The following SKI variants were observed in gnomAD, a reference collection of about 807,000 sequenced individuals.
The protein encoded by SKI is SKI proto-oncogene.
Under a neutral mutation model 59.3 loss-of-function variants are expected in SKI, and 23 were observed. The ratio of observed to expected loss-of-function variants is 0.39; its 90% CI spans 0.28 to 0.55. SKI has a LOEUF of 0.55. SKI is among the 20% of genes least tolerant of loss of function. The pLI is 0.67. For missense variants in SKI, 1,017 were observed against 1,038.9 expected (o/e 0.98, Z 0.29); for synonymous variants, 673 against 488.6 (o/e 1.38, Z -4.98).
At chr1:2,261,568 T>G (rs557434286) in intron 1 of SKI, among the ~76,000 whole-genome samples, 9 of 152,282 alleles carry the variant, frequency 5.9e-5, no homozygotes, top group Non-Finnish European at 4.4e-5. Flanking sequence ...AAACGGCCAC[T>G]ACAGTTCTTA....
At chr1:2,282,465 CTGAGAAGA>C (rs1639913181) in intron 1 of SKI, among the ~76,000 whole-genome samples, 2 of 119,064 alleles carry the variant, frequency 1.7e-5, no homozygotes, top group East Asian at 2.7e-4. Context: ...GAGAGGACGC[CTGAGAAGA>C]CAGGCGGTGG....
At chr1:2,255,166 A>G (rs1011436005) in intron 1 of SKI, among the ~76,000 whole-genome samples, 17 of 151,994 alleles carry the variant, frequency 1.1e-4, no homozygotes, top group African/African-American at 3.9e-4. Context: ...GTCCTCCCCA[A>G]CTTTCCACAG....
At position 2,229,926 on chromosome 1, in the gene SKI, C is replaced by G. The variant is rs1182226884; in HGVS notation, c.969+191C>G. On this transcript the variant is annotated intron_variant, in intron 1 of 6. Coordinates refer to ENST00000378536, the MANE Select transcript of SKI (RefSeq NM_003036.4). This position sits in a 1 kb window ranked among gnomAD's most constrained non-coding sequence, Gnocchi z 6.3. ...GGCCAGAGAGTTTGGTAGGAAGGCC[C>G]TCCTGCCCGTTCCCCAGGACGAGCC... Among the ~76,000 whole-genome samples the G allele has an allele frequency of 6.6e-6, 1 of 152,194 alleles. No individual in the cohort carries two copies. Among genetic ancestry groups the G allele is most frequent in the Admixed American group, 6.5e-5 (1 of 15,286 alleles).
intron 1 of SKI, among the ~76,000 whole-genome samples, chr1:2,276,464 C>CCCCTGGGCCA (rs1481549173): frequency 6.6e-6 from 1 of 152,226 alleles, no homozygotes; most frequent in Non-Finnish European, 1.5e-5. Context: ...GCTTCTGTGG[C>CCCCTGGGCCA]CCTGGGATTG....
Position 2,229,780 on chromosome 1 carries a change from T to TG in SKI, c.969+50dup. On this transcript the variant is annotated intron_variant, in intron 1 of 6. Transcript: ENST00000378536. The surrounding 1 kb of genome is among the most constrained non-coding windows in gnomAD (Gnocchi z 6.3). ...GGAGCTGGGGAGGATGCGCTTGGGG[T>TG]GGGGGCCCCTTCTGGACTACAGGCT... 1 of 1,549,388 alleles carries TG rather than the reference T, an allele frequency of 6.5e-7. No individual in the cohort carries two copies. Among genetic ancestry groups the TG allele is most frequent in the Non-Finnish European group, 8.7e-7 (1 of 1,146,846 alleles).
At chr1:2,231,519 C>T (rs1201243836) in intron 1 of SKI, among the ~76,000 whole-genome samples, 3 of 152,196 alleles carry the variant, frequency 2.0e-5, no homozygotes, top group African/African-American at 7.2e-5. Flanking sequence ...TGGTTGTGAG[C>T]GCCGGGGTCC....
chr1:2,305,836 G>T (rs1035283472), intron 5 of SKI, among the ~76,000 whole-genome samples, 184 bp from the exon 6 acceptor site: 3 of 152,192 alleles, frequency 2.0e-5, no homozygotes, highest in Non-Finnish European at 4.4e-5. Context: ...TCCGGATGGG[G>T]GTCTGAAAAG....
At chr1:2,250,449 C>T (rs1569721541) in intron 1 of SKI, among the ~76,000 whole-genome samples, 2 of 152,340 alleles carry the variant, frequency 1.3e-5, no homozygotes, top group East Asian at 3.9e-4. Context: ...GCTGCCTGTC[C>T]TTGGTTTGGG....
At position 2,303,591 on chromosome 1, in the gene SKI, T is replaced by C; in HGVS notation, c.1211+191T>C. 1 of 684,626 alleles carries C rather than the reference T, an allele frequency of 1.5e-6. No homozygotes were observed. Among genetic ancestry groups the C allele is most frequent in the Non-Finnish European group, 2.5e-6 (1 of 407,094 alleles). The allele number at this position is 684,626 out of a possible 1,614,324, so 42.4% of individuals were successfully genotyped here. On this transcript the variant is annotated intron_variant, in intron 3 of 6. Coordinates refer to ENST00000378536, the MANE Select transcript of SKI (RefSeq NM_003036.4). The surrounding 1 kb of genome is among the most constrained non-coding windows in gnomAD (Gnocchi z 5.6). ...CCTAGAGCGTTCCCTGTGTTCTGGGTGGAGTCGTGGGTGGAGCCCTGTCTG... is the reference window on the plus strand; with the variant it reads ...CCTAGAGCGTTCCCTGTGTTCTGGGCGGAGTCGTGGGTGGAGCCCTGTCTG...
At chr1:2,291,994 A>T (rs967801272) in intron 1 of SKI, among the ~76,000 whole-genome samples, 1 of 152,270 alleles carries the variant, frequency 6.6e-6, no homozygotes, top group African/African-American at 2.4e-5. Context: ...AAAGTGAATT[A>T]TCATGTGTGA....
intron 1 of SKI, among the ~76,000 whole-genome samples, chr1:2,235,904 A>G (rs1163237560): frequency 1.3e-5 from 2 of 151,978 alleles, no homozygotes; most frequent in Non-Finnish European, 2.9e-5. Flanking sequence ...TGAAGTGCTT[A>G]TTCCTTTGAG....
chr1:2,252,575 G>A (rs572135381), intron 1 of SKI, among the ~76,000 whole-genome samples: 6 of 149,582 alleles, frequency 4.0e-5, no homozygotes, highest in Non-Finnish European at 5.9e-5. Flanking sequence ...GTCAGTGCCC[G>A]CGGAGCAGGT....
chr1:2,240,901 ATCC>A (rs890006172), intron 1 of SKI: 9 of 660,250 alleles, frequency 1.4e-5, no homozygotes, highest in Non-Finnish European at 1.7e-5. Flanking sequence ...GTCGACCCCA[ATCC>A]TCCTCAGCTG....
At position 2,304,294 on chromosome 1, in the gene SKI, C is replaced by T. The variant is rs1006090345; in HGVS notation, c.1476C>T (p.Phe492=). ...TTTCTGTCTCTGCTTCCTCCTCAGT[C>T]ACCTCCTCCTTGTCCTCGCTCTCTT... is the stretch of plus-strand genomic sequence containing the variant. ...AEVEVESREE[F]TSSLSSLSSP... The change falls in exon 5 of 7, where the codon TTC becomes TTT. Residue 492 remains phenylalanine, a splice_region_variant and synonymous_variant. Coordinates refer to ENST00000378536, the MANE Select transcript of SKI (RefSeq NM_003036.4). 27 of 1,551,592 alleles carry T rather than the reference C, an allele frequency of 1.7e-5. No homozygotes were observed. The highest frequency in any genetic ancestry group is 2.4e-5 in the Non-Finnish European group (27 of 1,146,946).
At chr1:2,262,801 T>C (rs1639417022) in intron 1 of SKI, among the ~76,000 whole-genome samples, 1 of 152,220 alleles carries the variant, frequency 6.6e-6, no homozygotes, top group African/African-American at 2.4e-5. Flanking sequence ...TGATGAATTA[T>C]ATTGACTGAT....
intron 1 of SKI, among the ~76,000 whole-genome samples, chr1:2,299,133 G>A (rs1315110272): frequency 6.6e-6 from 1 of 152,262 alleles, no homozygotes; most frequent in Admixed American, 6.5e-5. Flanking sequence ...GACCGTCAGC[G>A]CCGAGTGGCC....
In SKI at chr1:2,306,214, C is replaced by T. The variant is rs770146036; in HGVS notation, c.1962C>T (p.Cys654=). The part of the protein sequence containing the change: ...ARQARVCDKG[C]EAGRLRAKYS... The stretch of plus-strand genomic sequence containing the variant: ...AGGCCCGGGTGTGCGACAAGGGCTG[C>T]GAGGCGGGCCGCCTGCGCGCCAAGT... Residue 654 remains cysteine, a synonymous_variant, in exon 6 of 7, where the codon TGC becomes TGT. Transcript: ENST00000378536. The T allele has an allele frequency of 2.6e-6, 4 of 1,566,880 alleles. No individual in the cohort carries two copies. The highest frequency in any genetic ancestry group is 2.6e-6 in the Non-Finnish European group (3 of 1,156,924).
At chr1:2,246,958 C>G (rs1639013438) in intron 1 of SKI, among the ~76,000 whole-genome samples, 1 of 152,192 alleles carries the variant, frequency 6.6e-6, no homozygotes, top group South Asian at 2.1e-4. Context: ...CACGGTGGCT[C>G]ACGCCTGTAA....
intron 1 of SKI, among the ~76,000 whole-genome samples, chr1:2,233,681 C>T (rs901339952): frequency 6.6e-6 from 1 of 152,110 alleles, no homozygotes; most frequent in Non-Finnish European, 1.5e-5. Context: ...AGGTGCCCAG[C>T]CAGGTGGTCG....
Sources: gnomAD v4.1 joint callset for allele counts (sites outside exome capture counted in the v4.1 genomes callset) on GRCh38, gnomAD v4.1.1 for gene constraint, Gnocchi (gnomAD v3.1) non-coding constraint, MANE v1.5 for transcripts, NCBI Gene and HGNC (gene_info 2026-07-23, HGNC 2026-07-21) for gene names.